Variants in DNAH12 observed in about 807,000 individuals in gnomAD.
DNAH12 encodes axonemal beta dynein heavy chain 12.
A neutral mutation model predicts 371.5 loss-of-function variants in DNAH12; 285 were observed. The ratio of observed to expected loss-of-function variants is 0.77; its 90% CI spans 0.70 to 0.85. The LOEUF (loss-of-function observed/expected upper bound fraction) is 0.85, where lower values mean the gene tolerates loss of function less well. DNAH12 is among the 40% of genes least tolerant of loss of function. DNAH12 has a pLI of 0.00. For missense variants in DNAH12, 3,611 were observed against 3,689.4 expected (o/e 0.98, Z 0.55); for synonymous variants, 1,200 against 1,213.0 (o/e 0.99, Z 0.22).
At position 57,396,289 on chromosome 3, in the gene DNAH12, AC is replaced by A. The variant is rs2063736389; in HGVS notation, c.6949-1958del. ...GCAAGACTGCATCTCAAAAAAAAAA[AC>A]AAAAAAAAAAAAAAAAAAAAGAGAA... On this transcript the variant is annotated intron_variant, in intron 43 of 73. Transcript: ENST00000495027. Among the ~76,000 whole-genome samples the A allele has an allele frequency of 2.9e-4, 22 of 75,386 alleles. 1 individual carries two copies. In the South Asian group the frequency reaches 3.6e-3, roughly 12 times the overall value. 49.5% of individuals were successfully genotyped at this position (75,386 alleles called of 152,430 possible).
chr3:57,410,873 T>G (rs1423006477), intron 39 of DNAH12, among the ~76,000 whole-genome samples: 2 of 150,834 alleles, frequency 1.3e-5, no homozygotes, highest in African/African-American at 4.9e-5. Context: ...GGTAACTTCC[T>G]CAACTTGGTA....
chr3:57,400,103 A>C (rs2063826054), intron 43 of DNAH12, among the ~76,000 whole-genome samples: 1 of 152,048 alleles, frequency 6.6e-6, no homozygotes, highest in South Asian at 2.1e-4. Flanking sequence ...AGACTGGCCA[A>C]ATGGCGAAAC....
At chr3:57,441,396 AAG>A (rs1491407506) in intron 29 of DNAH12, among the ~76,000 whole-genome samples, 2 of 152,204 alleles carry the variant, frequency 1.3e-5, no homozygotes, top group African/African-American at 4.8e-5. Flanking sequence ...AAGAGAAAAA[AAG>A]AGGCATGAGA....
Position 57,438,918 on chromosome 3 carries a change from C to CGAAAAAAAAAAAAAAAAAAAAAA in DNAH12, c.4546-1859_4546-1858insTTTTTTTTTTTTTTTTTTTTTTC, listed in dbSNP as rs562343761. ...CAACAGAGTGAAACTCTGTCTCAGA[C>CGAAAAAAAAAAAAAAAAAAAAAA]AAAAAAAAAAAAAAGGAAAGCAACT... On this transcript the variant is annotated intron_variant, in intron 29 of 73. Transcript: ENST00000495027. 4.4e-4 allele frequency among the ~76,000 whole-genome samples: 42 copies of CGAAAAAAAAAAAAAAAAAAAAAA among 94,530 alleles called. 9 individuals carry two copies. Among genetic ancestry groups the CGAAAAAAAAAAAAAAAAAAAAAA allele is most frequent in the Middle Eastern group, 7.5e-3 (1 of 134 alleles). The allele number at this position is 94,530 out of a possible 152,430, so 62.0% of individuals were successfully genotyped here.
chr3:57,397,232 C>T (rs1381150651), intron 43 of DNAH12, among the ~76,000 whole-genome samples: 1 of 152,150 alleles, frequency 6.6e-6, no homozygotes, highest in African/African-American at 2.4e-5. Context: ...ATATACAGAA[C>T]ACAATTACCT....
At chr3:57,372,533 A>G (rs1440013156) in intron 55 of DNAH12, among the ~76,000 whole-genome samples, 2 of 152,098 alleles carry the variant, frequency 1.3e-5, no homozygotes, top group African/African-American at 2.4e-5. Flanking sequence ...AATTTATGGC[A>G]TATGAAAAAG....
intron 13 of DNAH12, among the ~76,000 whole-genome samples, chr3:57,478,612 A>C (rs536186098): frequency 1.1e-4 from 16 of 152,212 alleles, no homozygotes; most frequent in South Asian, 8.3e-4. Context: ...AACTCCAAGA[A>C]ACGTAATTGT....
rs1338058498 is a variant in DNAH12, at chr3:57,293,974, T to TG, written c.11693-4dup. The TG allele has an allele frequency of 6.5e-6, 9 of 1,386,514 alleles. No homozygotes were observed. The highest frequency in any genetic ancestry group is 8.5e-6 in the Non-Finnish European group (9 of 1,061,472). The allele number at this position is 1,386,514 out of a possible 1,614,324, so 85.9% of individuals were successfully genotyped here. ...CTTTATAATCCGAGATTTTTGAGCT[T>TG]GAAAAAAAAAAAGAAATATATTCAC... On this transcript the variant is annotated splice_region_variant and splice_polypyrimidine_tract_variant and intron_variant, in intron 73 of 73. Transcript: ENST00000495027.
At chr3:57,337,855 C>G (rs1553654288) in intron 60 of DNAH12, among the ~76,000 whole-genome samples, 1 of 152,170 alleles carries the variant, frequency 6.6e-6, no homozygotes, top group East Asian at 1.9e-4. Flanking sequence ...CAAATTTAAA[C>G]TGTACCATAG....
At chr3:57,303,181 T>C (rs1690287309) in intron 69 of DNAH12, among the ~76,000 whole-genome samples, 1 of 150,882 alleles carries the variant, frequency 6.6e-6, no homozygotes, top group African/African-American at 2.4e-5. Flanking sequence ...CTACTAAAAA[T>C]ACAAAAAATT....
At chr3:57,448,512 G>C (rs149282765) in intron 25 of DNAH12, among the ~76,000 whole-genome samples, 1 of 148,030 alleles carries the variant, frequency 6.8e-6, no homozygotes, top group African/African-American at 2.4e-5. Context: ...GTAGGTCTTC[G>C]CAGTGAGTGT....
At chr3:57,434,447 G>A (rs1223896002) in intron 30 of DNAH12, among the ~76,000 whole-genome samples, 1 of 152,078 alleles carries the variant, frequency 6.6e-6, no homozygotes, top group Admixed American at 6.6e-5. Flanking sequence ...GGGCTGCCCT[G>A]GTAACCTACT....
intron 12 of DNAH12, among the ~76,000 whole-genome samples, chr3:57,487,924 T>C (rs939284289): frequency 1.3e-5 from 2 of 152,146 alleles, no homozygotes; most frequent in Non-Finnish European, 2.9e-5. Context: ...GGCATTGTCA[T>C]TGTTGTTACT....
intron 30 of DNAH12, among the ~76,000 whole-genome samples, chr3:57,434,315 G>C (rs1250021537): frequency 1.3e-5 from 2 of 152,112 alleles, no homozygotes; most frequent in Non-Finnish European, 2.9e-5. Flanking sequence ...TCCAAGCAGG[G>C]ATAGGTAATT....
intron 66 of DNAH12, among the ~76,000 whole-genome samples, chr3:57,313,349 AAAC>A (rs1220453420): frequency 4.6e-5 from 7 of 152,182 alleles, no homozygotes; most frequent in Admixed American, 6.5e-5. Context: ...CGTTTAAAAA[AAAC>A]AACAACAAAC....
chr3:57,389,018 C>T (rs1353370223), intron 45 of DNAH12, among the ~76,000 whole-genome samples: 13 of 151,980 alleles, frequency 8.6e-5, no homozygotes, highest in African/African-American at 2.4e-4. Flanking sequence ...CAAACCTGCA[C>T]GTTGTGCACA....
At chr3:57,401,098 T>A (rs2063847172) in intron 43 of DNAH12, among the ~76,000 whole-genome samples, 4 of 152,176 alleles carry the variant, frequency 2.6e-5, no homozygotes, top group Admixed American at 2.6e-4. Flanking sequence ...ATTAAACTGT[T>A]AATTTAATTG....
intron 16 of DNAH12, 74 bp from the exon 17 acceptor site, chr3:57,469,053 A>G: frequency 7.2e-7 from 1 of 1,386,896 alleles, no homozygotes; most frequent in Non-Finnish European, 9.6e-7. Context: ...CCTTTAGGCT[A>G]GACCCCTTGT....
At chr3:57,386,655 A>T (rs1289951652) in intron 46 of DNAH12, 52 bp from the exon 47 acceptor site, 2 of 152,236 alleles carry the variant, frequency 1.3e-5, no homozygotes, top group Non-Finnish European at 2.9e-5. Context: ...ATTTCACAAA[A>T]AGGTAAATTC....
Sources: gnomAD v4.1 joint callset for allele counts (sites outside exome capture counted in the v4.1 genomes callset) on GRCh38, gnomAD v4.1.1 for gene constraint, MANE v1.5 for transcripts, NCBI Gene and HGNC (gene_info 2026-07-23, HGNC 2026-07-21) for gene names.